The following SLC24A2 variants were observed in gnomAD, a reference collection of about 807,000 sequenced individuals.
The protein encoded by SLC24A2 is sodium/potassium/calcium exchanger 2.
SLC24A2 carries 36 observed loss-of-function variants against 62.0 expected under a neutral mutation model. The observed-to-expected ratio is 0.58, with a 90% CI of 0.44 to 0.77. The LOEUF is 0.77. SLC24A2 is among the 30% of genes least tolerant of loss of function. SLC24A2 has a pLI of 0.00. For missense variants in SLC24A2, 846 were observed against 817.9 expected (o/e 1.03, Z -0.42); for synonymous variants, 358 against 294.0 (o/e 1.22, Z -2.23).
chr9:19,991,560 A>G, the SLC24A2 span, among the ~76,000 whole-genome samples: 1 of 152,102 alleles, frequency 6.6e-6, no homozygotes, highest in African/African-American at 2.4e-5. Flanking sequence ...CACAAATACT[A>G]TCCATGGTTT....
At chr9:19,530,515 TGA>T (rs1201555411) in intron 8 of SLC24A2, among the ~76,000 whole-genome samples, 1 of 152,226 alleles carries the variant, frequency 6.6e-6, no homozygotes, top group Admixed American at 6.5e-5. Context: ...GTTTATTCTT[TGA>T]GATAACTTCA....
At chr9:19,874,419 A>T in the SLC24A2 span, among the ~76,000 whole-genome samples, 1 of 152,226 alleles carries the variant, frequency 6.6e-6, no homozygotes, top group Admixed American at 6.5e-5. Flanking sequence ...ATAATTGAAT[A>T]CTTGCTAGAA....
chr9:20,280,469 G>A, the SLC24A2 span, among the ~76,000 whole-genome samples: 3 of 152,190 alleles, frequency 2.0e-5, no homozygotes, highest in Non-Finnish European at 4.4e-5. Flanking sequence ...CACCAGCCTG[G>A]TAAGGGAGGT....
chr9:19,690,649 A>G (rs936820504), intron 2 of SLC24A2, among the ~76,000 whole-genome samples: 1 of 152,192 alleles, frequency 6.6e-6, no homozygotes, highest in Admixed American at 6.5e-5. Flanking sequence ...CCTTAGATCT[A>G]GCCATTCTGT....
At chr9:20,057,853 C>A in the SLC24A2 span, among the ~76,000 whole-genome samples, 1 of 152,234 alleles carries the variant, frequency 6.6e-6, no homozygotes, top group Non-Finnish European at 1.5e-5. Flanking sequence ...GAATATTTGA[C>A]TTTTACAAGG....
chr9:20,036,524 C>G, the SLC24A2 span, among the ~76,000 whole-genome samples: 1 of 152,188 alleles, frequency 6.6e-6, no homozygotes, highest in Non-Finnish European at 1.5e-5. Flanking sequence ...AACTACCATT[C>G]TGTTCTCTGC....
the SLC24A2 span, among the ~76,000 whole-genome samples, chr9:20,097,979 T>C: frequency 6.6e-6 from 1 of 151,838 alleles, no homozygotes; most frequent in Non-Finnish European, 1.5e-5. Context: ...CCTGACCTCG[T>C]GATTCGCCCG....
intron 2 of SLC24A2, among the ~76,000 whole-genome samples, chr9:19,660,901 G>C (rs1819079184): frequency 6.6e-6 from 1 of 152,152 alleles, no homozygotes; most frequent in Non-Finnish European, 1.5e-5. Context: ...CTGAGGCTTG[G>C]AGAGGTTTTG....
chr9:20,076,487 A>G, the SLC24A2 span, among the ~76,000 whole-genome samples: 1 of 152,256 alleles, frequency 6.6e-6, no homozygotes, highest in South Asian at 2.1e-4. Flanking sequence ...ACTGCCAGCC[A>G]AGGGATGCCA....
chr9:20,124,177 G>A, the SLC24A2 span, among the ~76,000 whole-genome samples: 19 of 151,974 alleles, frequency 1.3e-4, no homozygotes, highest in Middle Eastern at 3.4e-3. Context: ...ATAACTATAC[G>A]ATTCCTCCCA....
At chr9:20,171,680 A>G in the SLC24A2 span, among the ~76,000 whole-genome samples, 1 of 152,100 alleles carries the variant, frequency 6.6e-6, no homozygotes, top group Non-Finnish European at 1.5e-5. Context: ...AATCCTAACT[A>G]TATAAGCACC....
the SLC24A2 span, among the ~76,000 whole-genome samples, chr9:20,242,230 C>T: frequency 6.6e-6 from 1 of 152,344 alleles, no homozygotes; most frequent in South Asian, 2.1e-4. Flanking sequence ...AGCATGCATT[C>T]TGACCATTTA....
chr9:20,030,626 C>T, the SLC24A2 span, among the ~76,000 whole-genome samples: 1 of 152,190 alleles, frequency 6.6e-6, no homozygotes, highest in Non-Finnish European at 1.5e-5. Context: ...CCATGTCTTT[C>T]TCCACTACTG....
the SLC24A2 span, among the ~76,000 whole-genome samples, chr9:20,022,292 T>G: frequency 6.6e-6 from 1 of 152,200 alleles, no homozygotes; most frequent in Non-Finnish European, 1.5e-5. Context: ...TACCAAAAAC[T>G]TATTCAATCC....
the SLC24A2 span, among the ~76,000 whole-genome samples, chr9:20,090,250 G>A: frequency 3.0e-4 from 46 of 152,248 alleles, no homozygotes; most frequent in African/African-American, 9.6e-4. Flanking sequence ...GAATCTCTCT[G>A]GGGTGGAGCC....
intron 2 of SLC24A2, among the ~76,000 whole-genome samples, chr9:19,731,856 A>G (rs760521570): frequency 2.6e-5 from 4 of 152,172 alleles, no homozygotes; most frequent in Non-Finnish European, 2.9e-5. Context: ...CCTCACACAT[A>G]CTGGAACTGT....
the SLC24A2 span, among the ~76,000 whole-genome samples, chr9:20,086,944 C>A: frequency 1.3e-5 from 2 of 152,162 alleles, no homozygotes; most frequent in Non-Finnish European, 2.9e-5. Flanking sequence ...ATATTCCCAT[C>A]TATGCTCTTC....
At chr9:19,643,198 A>G (rs1282557146) in intron 2 of SLC24A2, among the ~76,000 whole-genome samples, 1 of 152,096 alleles carries the variant, frequency 6.6e-6, no homozygotes, top group Non-Finnish European at 1.5e-5. Context: ...AAAATTATAA[A>G]TATTTGTCTT....
chr9:19,546,485 G>C (rs538265849), intron 8 of SLC24A2, among the ~76,000 whole-genome samples: 1 of 152,156 alleles, frequency 6.6e-6, no homozygotes, highest in African/African-American at 2.4e-5. Context: ...TGTTTACACT[G>C]TCAGGGTAAA....
Sources: allele counts gnomAD v4.1 joint callset (sites outside exome capture counted in the v4.1 genomes callset), GRCh38; gene constraint gnomAD v4.1.1; transcripts MANE v1.5; gene names NCBI Gene and HGNC (gene_info 2026-07-23, HGNC 2026-07-21).